CDH13: variants seen among roughly 807,000 people sequenced by gnomAD.
CDH13 encodes the protein cadherin-13.
In CDH13, 24 loss-of-function variants were observed where a neutral mutation model predicts 63.8. That is an observed-to-expected ratio of 0.38 (90% CI 0.27 to 0.53). The LOEUF (loss-of-function observed/expected upper bound fraction) is 0.53, where lower values mean the gene tolerates loss of function less well. Ranked by LOEUF, CDH13 falls within the 20% of genes least tolerant of loss-of-function variation. The probability of loss-of-function intolerance (pLI) is 0.85; values close to 1 mark genes in which losing one functional copy is unlikely to be tolerated. For synonymous variants in CDH13, 503 were observed against 355.3 expected (o/e 1.42, Z -4.67); for missense variants, 1,049 against 903.1 (o/e 1.16, Z -2.07).
chr16:83,237,211 G>T (rs1004511883), intron 5 of CDH13, among the ~76,000 whole-genome samples: 2 of 152,192 alleles, frequency 1.3e-5, no homozygotes, highest in African/African-American at 4.8e-5. Flanking sequence ...CCAAGGGAAG[G>T]CAGAAGAGCA....
chr16:82,735,676 G>A (rs949623143), intron 1 of CDH13, among the ~76,000 whole-genome samples: 2 of 152,286 alleles, frequency 1.3e-5, no homozygotes, highest in East Asian at 1.9e-4. Context: ...GGTTTAAATG[G>A]ATTCCAGCTT....
intron 4 of CDH13, among the ~76,000 whole-genome samples, chr16:83,132,775 C>T (rs1038848179): frequency 1.3e-5 from 2 of 152,116 alleles, no homozygotes; most frequent in Non-Finnish European, 2.9e-5. Flanking sequence ...CTGAAACTTA[C>T]CATAGGCTAG....
intron 1 of CDH13, among the ~76,000 whole-genome samples, chr16:82,645,144 C>G (rs903474208): frequency 3.9e-5 from 6 of 152,080 alleles, no homozygotes; most frequent in Admixed American, 6.5e-5. Context: ...TCCTAGGATG[C>G]CATATCTCAG....
intron 3 of CDH13, among the ~76,000 whole-genome samples, chr16:83,079,685 G>A (rs901244142): frequency 6.6e-6 from 1 of 152,148 alleles, no homozygotes; most frequent in Non-Finnish European, 1.5e-5. Flanking sequence ...AAAGATTGGA[G>A]AACAAATGGC....
intron 10 of CDH13, among the ~76,000 whole-genome samples, chr16:83,702,915 A>G (rs572196367): frequency 9.2e-5 from 14 of 152,218 alleles, no homozygotes; most frequent in Non-Finnish European, 7.3e-5. Context: ...CCACCTTAGC[A>G]TAGGATGCAT....
chr16:83,707,836 C>CAAAAAAAAAAAAAAAAAA lies in CDH13; in HGVS notation c.1538+29380_1538+29397dup, dbSNP rs61067563. On this transcript the variant is annotated intron_variant, in intron 10 of 13. Coordinates refer to ENST00000567109, the MANE Select transcript of CDH13 (RefSeq NM_001257.5). ...CATCTTTGGTGAGAGACCCTAAAGG[C>CAAAAAAAAAAAAAAAAAA]AAAAAAAAAAAAAAAAAAAAAAGAG... Among the ~76,000 whole-genome samples, 652 of 78,770 alleles carry CAAAAAAAAAAAAAAAAAA rather than the reference C, an allele frequency of 8.3e-3. 71 individuals are homozygous for CAAAAAAAAAAAAAAAAAA. Among genetic ancestry groups the CAAAAAAAAAAAAAAAAAA allele is most frequent in the African/African-American group, 0.014 (275 of 19,948 alleles). 51.7% of individuals were successfully genotyped at this position (78,770 alleles called of 152,430 possible). A position where few individuals can be genotyped will look rare whatever the true frequency, so the allele number is the denominator to read the frequency against.
At chr16:83,067,401 A>G (rs140362812) in intron 3 of CDH13, among the ~76,000 whole-genome samples, 4 of 152,316 alleles carry the variant, frequency 2.6e-5, no homozygotes, top group African/African-American at 9.6e-5. Context: ...ATAAAATGGG[A>G]ACCATCCATA....
At chr16:83,364,005 C>T (rs1043938736) in intron 6 of CDH13, among the ~76,000 whole-genome samples, 1 of 152,086 alleles carries the variant, frequency 6.6e-6, no homozygotes, top group African/African-American at 2.4e-5. Context: ...ATCTCATTCC[C>T]TCCACACTCA....
intron 11 of CDH13, among the ~76,000 whole-genome samples, chr16:83,756,928 T>C (rs1913558142): frequency 6.6e-6 from 1 of 152,176 alleles, no homozygotes; most frequent in Admixed American, 6.5e-5. Flanking sequence ...AATTAACAAA[T>C]TTCATCAACT....
chr16:82,795,724 C>T (rs1173094519), intron 1 of CDH13, among the ~76,000 whole-genome samples: 1 of 152,156 alleles, frequency 6.6e-6, no homozygotes, highest in Admixed American at 6.5e-5. Context: ...TAATCCAGCT[C>T]ACTTCTGAGC....
chr16:83,018,209 G>A (rs374329913), intron 2 of CDH13, among the ~76,000 whole-genome samples: 3 of 152,040 alleles, frequency 2.0e-5, no homozygotes, highest in African/African-American at 7.2e-5. Flanking sequence ...TTGAAATATC[G>A]GATTATGGGG....
chr16:82,816,843 C>G (rs140693122), intron 1 of CDH13, among the ~76,000 whole-genome samples: 1 of 151,780 alleles, frequency 6.6e-6, no homozygotes, highest in South Asian at 2.1e-4. Flanking sequence ...ATCATCTCAT[C>G]TCTGCACTCC....
intron 1 of CDH13, among the ~76,000 whole-genome samples, chr16:82,706,581 G>A (rs946818364): frequency 2.6e-5 from 4 of 151,740 alleles, no homozygotes; most frequent in African/African-American, 7.3e-5. Context: ...ATCACCTGAG[G>A]GTCAGGAGTT....
intron 2 of CDH13, among the ~76,000 whole-genome samples, chr16:82,934,031 C>A (rs2042587083): frequency 6.6e-6 from 1 of 152,222 alleles, no homozygotes. Flanking sequence ...GTCTGGAGGA[C>A]AGTGGCCCTT....
chr16:83,053,932 A>T (rs888583684), intron 3 of CDH13, among the ~76,000 whole-genome samples: 16 of 152,332 alleles, frequency 1.1e-4, no homozygotes, highest in African/African-American at 3.4e-4. Flanking sequence ...GTTTTGGTCA[A>T]TGACGGACCA....
At chr16:83,263,407 G>A (rs113987150) in intron 5 of CDH13, among the ~76,000 whole-genome samples, 17 of 152,134 alleles carry the variant, frequency 1.1e-4, no homozygotes, top group African/African-American at 4.1e-4. Flanking sequence ...TGCCTTTTAG[G>A]AAATATCCAT....
chr16:82,877,952 C>T (rs1370906534), intron 2 of CDH13, among the ~76,000 whole-genome samples: 1 of 143,656 alleles, frequency 7.0e-6, no homozygotes, highest in Non-Finnish European at 1.5e-5. Flanking sequence ...CACACACACA[C>T]ACACACACAT....
chr16:83,220,623 TAAATAA>T (rs2039668821), intron 5 of CDH13, among the ~76,000 whole-genome samples: 1 of 50,906 alleles, frequency 2.0e-5, no homozygotes, highest in African/African-American at 7.8e-5. Context: ...AAATAATAAA[TAAATAA>T]AAATAAAAAT....
intron 7 of CDH13, among the ~76,000 whole-genome samples, chr16:83,572,590 A>G (rs1358853740): frequency 3.3e-5 from 5 of 152,164 alleles, no homozygotes; most frequent in African/African-American, 1.2e-4. Context: ...TATGGCCCCA[A>G]AATAAATCCC....
Sources: gnomAD v4.1 joint callset for allele counts (sites outside exome capture counted in the v4.1 genomes callset) on GRCh38, gnomAD v4.1.1 for gene constraint, MANE v1.5 for transcripts, NCBI Gene and HGNC (gene_info 2026-07-23, HGNC 2026-07-21) for gene names.